The following RAPGEF6 variants were observed in gnomAD, a reference collection of about 807,000 sequenced individuals.
RAPGEF6 encodes PDZ domain containing guanine nucleotide exchange factor (GEF) 2.
A neutral mutation model predicts 171.4 loss-of-function variants in RAPGEF6; 56 were observed. The ratio of observed to expected loss-of-function variants is 0.33; its 90% CI spans 0.26 to 0.41. RAPGEF6 has a LOEUF of 0.41. Ranked by LOEUF, RAPGEF6 falls within the 10% of genes least tolerant of loss-of-function variation. The pLI is 1.00. For missense variants in RAPGEF6, 1,674 were observed against 1,921.4 expected (o/e 0.87, Z 2.41); for synonymous variants, 692 against 650.1 (o/e 1.06, Z -0.98).
chr5:131,453,326 T>C, intron 20 of RAPGEF6, 149 bp from the exon 21 acceptor site: 2 of 1,343,608 alleles, frequency 1.5e-6, no homozygotes, highest in Middle Eastern at 2.7e-4. Context: ...TACCCATACA[T>C]GGTTCAACCC....
intron 17 of RAPGEF6, among the ~76,000 whole-genome samples, chr5:131,470,441 C>T (rs141073107): frequency 8.4e-4 from 128 of 152,292 alleles, no homozygotes; most frequent in African/African-American, 3.0e-3. Flanking sequence ...CCAGCTAAAT[C>T]TCCAACTTAC....
rs545112130 is a variant in RAPGEF6 at position 131,424,028 on chromosome 5, G to T, written c.*3238C>A. 6.6e-6 allele frequency: 1 copy of T among 152,330 alleles called. No homozygotes were observed. Among genetic ancestry groups the T allele is most frequent in the South Asian group, 2.1e-4 (1 of 4,822 alleles). 9.4% of individuals were successfully genotyped at this position (152,330 alleles called of 1,614,324 possible). A position where few individuals can be genotyped will look rare whatever the true frequency, so the allele number is the denominator to read the frequency against. ...AAAATATAACAAATATTTACACTCAGTAAAAATACAAAAAGCATACAGAGG... is the reference window on the plus strand; with the variant it reads ...AAAATATAACAAATATTTACACTCATTAAAAATACAAAAAGCATACAGAGG... On this transcript the variant is annotated 3_prime_UTR_variant, in exon 28 of 28. Transcript: ENST00000509018.
At chr5:131,598,361 A>T (rs1345086931) in intron 3 of RAPGEF6, among the ~76,000 whole-genome samples, 2 of 152,174 alleles carry the variant, frequency 1.3e-5, no homozygotes, top group Non-Finnish European at 2.9e-5. Flanking sequence ...GGAAGGAGGA[A>T]AGAGAAAACA....
intron 4 of RAPGEF6, among the ~76,000 whole-genome samples, chr5:131,577,006 A>G (rs924058733): frequency 6.6e-6 from 1 of 152,094 alleles, no homozygotes; most frequent in African/African-American, 2.4e-5. Context: ...CCCCCACACA[A>G]GACTGGCAGA....
intron 6 of RAPGEF6, among the ~76,000 whole-genome samples, chr5:131,521,756 G>T (rs912151250): frequency 6.7e-6 from 1 of 150,336 alleles, no homozygotes; most frequent in East Asian, 2.0e-4. Flanking sequence ...CATTACTAAT[G>T]ATATTTCAGA....
In RAPGEF6 at chr5:131,426,626, G is replaced by T. The variant is rs1017735024; in HGVS notation, c.*640C>A. The T allele has an allele frequency of 6.6e-6, 1 of 152,348 alleles. No individual in the cohort carries two copies. The highest frequency in any genetic ancestry group is 2.4e-5 in the African/African-American group (1 of 41,394). 9.4% of individuals were successfully genotyped at this position (152,348 alleles called of 1,614,324 possible). A position where few individuals can be genotyped will look rare whatever the true frequency, so the allele number is the denominator to read the frequency against. ...GTTCCTAACACCTCAACTGCAAAGG[G>T]CTTCCTATTTCTCTCAAACTGAGAC... is the stretch of plus-strand genomic sequence containing the variant. On this transcript the variant is annotated 3_prime_UTR_variant, in exon 28 of 28. Transcript: ENST00000509018.
At chr5:131,465,628 T>A (rs2149839218) in intron 17 of RAPGEF6, among the ~76,000 whole-genome samples, 1 of 152,026 alleles carries the variant, frequency 6.6e-6, no homozygotes, top group South Asian at 2.1e-4. Flanking sequence ...AAAAAATTTT[T>A]AAAAATTAGC....
chr5:131,635,139 G>A lies in RAPGEF6; in HGVS notation c.-109C>T. 3.4e-6 allele frequency: 4 copies of A among 1,177,864 alleles called. No homozygotes were observed. The highest frequency in any genetic ancestry group is 3.1e-5 in the South Asian group (2 of 64,790). 73.0% of individuals were successfully genotyped at this position (1,177,864 alleles called of 1,614,324 possible). A position where few individuals can be genotyped will look rare whatever the true frequency, so the allele number is the denominator to read the frequency against. ...TCCCCCGCCCCAAGGAGGGAACTTC[G>A]CGCCGTAACAAGGTCCGAACTCTAG... On this transcript the variant is annotated 5_prime_UTR_variant, in exon 1 of 28. Transcript: ENST00000509018.
chr5:131,424,500 G>C lies in RAPGEF6; in HGVS notation c.*2766C>G, dbSNP rs925417910. ...TTTTTCTCCTCCTTCCTTTTTTGTA[G>C]AGGAAAGAACACTTGATAAAAATTA... On this transcript the variant is annotated 3_prime_UTR_variant, in exon 28 of 28. Transcript: ENST00000509018. The C allele has an allele frequency of 6.6e-6, 1 of 152,146 alleles. No homozygotes were observed. The highest frequency in any genetic ancestry group is 1.5e-5 in the Non-Finnish European group (1 of 67,996). 9.4% of individuals were successfully genotyped at this position (152,146 alleles called of 1,614,324 possible).
chr5:131,527,327 T>C (rs1271836139), intron 6 of RAPGEF6, among the ~76,000 whole-genome samples: 1 of 151,614 alleles, frequency 6.6e-6, no homozygotes, highest in African/African-American at 2.4e-5. Flanking sequence ...TGGAAGAGAA[T>C]GTTAACCTTG....
chr5:131,617,127 A>C (rs898676061), intron 1 of RAPGEF6, among the ~76,000 whole-genome samples: 5 of 152,192 alleles, frequency 3.3e-5, no homozygotes, highest in African/African-American at 1.2e-4. Context: ...ATCTTCTACA[A>C]ATCATTTGGA....
At chr5:131,497,158 C>T (rs1015099987) in intron 12 of RAPGEF6, among the ~76,000 whole-genome samples, 35 of 152,124 alleles carry the variant, frequency 2.3e-4, no homozygotes, top group African/African-American at 7.7e-4. Flanking sequence ...TGCCTGTTGG[C>T]CATTTACATA....
intron 1 of RAPGEF6, among the ~76,000 whole-genome samples, chr5:131,634,338 A>G (rs1406475681): frequency 6.6e-6 from 1 of 151,358 alleles, no homozygotes; most frequent in African/African-American, 2.5e-5. Context: ...GGTCGAATGA[A>G]AAATCTTTTA....
At chr5:131,548,340 G>A (rs951795211) in intron 5 of RAPGEF6, 150 bp from the exon 6 acceptor site, 3 of 713,074 alleles carry the variant, frequency 4.2e-6, no homozygotes, top group Non-Finnish European at 6.8e-6. Flanking sequence ...CAACGCTCAT[G>A]AGTTAAAGAT....
chr5:131,541,377 G>C (rs1414216447), intron 6 of RAPGEF6, among the ~76,000 whole-genome samples: 1 of 152,204 alleles, frequency 6.6e-6, no homozygotes. Context: ...GCCAATAAGA[G>C]CCTTCCAGGG....
At chr5:131,567,004 G>A (rs59268627) in intron 4 of RAPGEF6, among the ~76,000 whole-genome samples, 18,249 of 150,042 alleles carry the variant, frequency 0.12, 3,066 homozygotes, top group African/African-American at 0.38. Context: ...TGAGGCAGGA[G>A]AATCACTTGA....
intron 15 of RAPGEF6, 77 bp from the exon 16 acceptor site, chr5:131,479,830 T>C (rs1755348023): frequency 2.1e-6 from 3 of 1,437,302 alleles, no homozygotes; most frequent in Middle Eastern, 2.1e-4. Flanking sequence ...ATTTTAAGGA[T>C]AAACACAGTG....
intron 6 of RAPGEF6, among the ~76,000 whole-genome samples, chr5:131,547,418 T>G (rs1004331624): frequency 6.6e-6 from 1 of 152,142 alleles, no homozygotes; most frequent in Non-Finnish European, 1.5e-5. Flanking sequence ...TACACCTGAT[T>G]TTTTTAGATT....
At chr5:131,554,538 G>A (rs1761113174) in intron 5 of RAPGEF6, among the ~76,000 whole-genome samples, 1 of 151,904 alleles carries the variant, frequency 6.6e-6, no homozygotes, top group South Asian at 2.1e-4. Context: ...TTCTTTTTTT[G>A]AGACATAATC....
Sources: allele counts gnomAD v4.1 joint callset (sites outside exome capture counted in the v4.1 genomes callset), GRCh38; gene constraint gnomAD v4.1.1; transcripts MANE v1.5; gene names NCBI Gene and HGNC (gene_info 2026-07-23, HGNC 2026-07-21).